MAPRE2: variants seen among roughly 807,000 people sequenced by gnomAD.
The protein encoded by MAPRE2 is microtubule associated protein RP/EB family member 2.
Under a neutral mutation model 43.2 loss-of-function variants are expected in MAPRE2, and 13 were observed. The ratio of observed to expected loss-of-function variants is 0.30; its 90% CI spans 0.20 to 0.48. The LOEUF (loss-of-function observed/expected upper bound fraction) is 0.48, where lower values mean the gene tolerates loss of function less well. MAPRE2 is among the 20% of genes least tolerant of loss of function. MAPRE2 has a pLI of 0.99. For missense variants in MAPRE2, 161 were observed against 400.2 expected (o/e 0.40, Z 5.10); for synonymous variants, 135 against 148.8 (o/e 0.91, Z 0.68).
chr18:35,031,351 C>A (rs1346239178), intron 2 of MAPRE2, among the ~76,000 whole-genome samples: 1 of 152,214 alleles, frequency 6.6e-6, no homozygotes, highest in Admixed American at 6.5e-5. Context: ...CCAGGCCTGA[C>A]TACTTTCTTT....
intron 3 of MAPRE2, among the ~76,000 whole-genome samples, chr18:35,097,797 A>G (rs975958794): frequency 6.6e-6 from 1 of 152,210 alleles, no homozygotes; most frequent in African/African-American, 2.4e-5. Context: ...TGTAGCCAGT[A>G]GACTAAAAAC....
At chr18:35,047,493 G>T (rs896947759) in intron 1 of MAPRE2, among the ~76,000 whole-genome samples, 1 of 151,990 alleles carries the variant, frequency 6.6e-6, no homozygotes, top group Admixed American at 6.6e-5. Context: ...TTTATTATTA[G>T]ATTGAGAGAA....
At chr18:35,008,570 T>C (rs2097032887) in intron 2 of MAPRE2, among the ~76,000 whole-genome samples, 1 of 152,232 alleles carries the variant, frequency 6.6e-6, no homozygotes, top group South Asian at 2.1e-4. Flanking sequence ...AGAACTATTA[T>C]TGGAATTGCA....
At chr18:35,019,038 AAGAATTTTTTT>A (rs1029962157) in intron 2 of MAPRE2, among the ~76,000 whole-genome samples, 1 of 114,904 alleles carries the variant, frequency 8.7e-6, no homozygotes, top group Non-Finnish European at 1.9e-5. Context: ...ATTTATTTCA[AAGAATTTTTTT>A]AGAATTTTTT....
At chr18:34,998,840 A>T (rs975651669) in intron 1 of MAPRE2, among the ~76,000 whole-genome samples, 1 of 148,034 alleles carries the variant, frequency 6.8e-6, no homozygotes, top group Non-Finnish European at 1.5e-5. Flanking sequence ...AAATGTTAAA[A>T]TATAATTTGA....
At chr18:35,014,093 C>A (rs1196582129) in intron 2 of MAPRE2, among the ~76,000 whole-genome samples, 2 of 152,058 alleles carry the variant, frequency 1.3e-5, no homozygotes, top group Admixed American at 1.3e-4. Context: ...AAGCAAGAAT[C>A]CGAATAAGAT....
chr18:35,050,149 GT>G (rs958913131), intron 1 of MAPRE2, among the ~76,000 whole-genome samples: 22 of 148,824 alleles, frequency 1.5e-4, no homozygotes, highest in South Asian at 4.3e-4. Flanking sequence ...ACCTTTTTAT[GT>G]TTTTTTTTTC....
At chr18:35,000,735 A>G (rs2097028878) in intron 1 of MAPRE2, among the ~76,000 whole-genome samples, 1 of 152,216 alleles carries the variant, frequency 6.6e-6, no homozygotes, top group African/African-American at 2.4e-5. Flanking sequence ...CAGCTGGCTT[A>G]TGGCTGCTCA....
chr18:35,039,232 C>A (rs115527282), upstream of MAPRE2, among the ~76,000 whole-genome samples: 1,770 of 152,266 alleles, frequency 0.012, 30 homozygotes, highest in African/African-American at 0.041. Flanking sequence ...TTCAGACTGT[C>A]CCCCCAAAAA....
At chr18:35,104,680 C>A (rs911555396) in intron 4 of MAPRE2, among the ~76,000 whole-genome samples, 1 of 152,038 alleles carries the variant, frequency 6.6e-6, no homozygotes, top group Non-Finnish European at 1.5e-5. Flanking sequence ...AAAATTAAGC[C>A]ACAAAGAGTT....
At chr18:35,026,427 G>A (rs1477870222) in intron 2 of MAPRE2, among the ~76,000 whole-genome samples, 2 of 152,242 alleles carry the variant, frequency 1.3e-5, no homozygotes, top group South Asian at 2.1e-4. Context: ...GCAAGTGAGA[G>A]AATGCAGCGA....
chr18:34,997,902 A>T (rs2150577359), intron 1 of MAPRE2, among the ~76,000 whole-genome samples: 1 of 152,366 alleles, frequency 6.6e-6, no homozygotes, highest in South Asian at 2.1e-4. Flanking sequence ...ACTAAGAGCT[A>T]TAAACAAGTA....
At chr18:35,139,021 T>TAACCTCAGC (rs1207970363) in intron 6 of MAPRE2, among the ~76,000 whole-genome samples, 2 of 151,846 alleles carry the variant, frequency 1.3e-5, no homozygotes, top group Non-Finnish European at 2.9e-5. Context: ...CTGACCTCAG[T>TAACCTCAGC]AACCTCAGCA....
intron 2 of MAPRE2, among the ~76,000 whole-genome samples, chr18:35,034,156 A>C (rs2097049273): frequency 6.6e-6 from 1 of 151,984 alleles, no homozygotes; most frequent in African/African-American, 2.4e-5. Flanking sequence ...TACTGGTACC[A>C]AAACAGAGAT....
At position 35,041,670 on chromosome 18, in the gene MAPRE2, G is replaced by A; in HGVS notation, c.122+9G>A. ...GGGGAGCGTTCCTACAGGTAATGGG[G>A]CTGGCACGAGAGCAGCGCCGGGGAC... On this transcript the variant is annotated intron_variant, in intron 1 of 6. Transcript: ENST00000300249. 6.2e-7 allele frequency: 1 copy of A among 1,614,178 alleles called. No homozygotes were observed.
intron 6 of MAPRE2, among the ~76,000 whole-genome samples, chr18:35,138,022 C>G (rs989594902): frequency 6.6e-6 from 1 of 152,112 alleles, no homozygotes; most frequent in Non-Finnish European, 1.5e-5. Context: ...TCTTGTCCTG[C>G]GCTGGCCCAA....
intron 1 of MAPRE2, among the ~76,000 whole-genome samples, chr18:35,058,095 T>C (rs1256103193): frequency 6.6e-6 from 1 of 152,200 alleles, no homozygotes; most frequent in Non-Finnish European, 1.5e-5. Context: ...AATGTTGTGC[T>C]ATTTCCCAGT....
At position 34,981,877 on chromosome 18, in the gene MAPRE2, A is replaced by T. The variant is rs200734799; in HGVS notation, c.-70+4798A>T. 3.4e-3 allele frequency among the ~76,000 whole-genome samples: 123 copies of T among 35,854 alleles called. 2 individuals carry two copies. The highest frequency in any genetic ancestry group is 6.5e-3 in the African/African-American group (98 of 15,114). 23.5% of individuals were successfully genotyped at this position (35,854 alleles called of 152,430 possible). ...GCGACTTTATTTATTTTTTTTTTTT[A>T]TTTTTATTTATTTTTTTTTTTTTTT... On this transcript the variant is annotated intron_variant, in intron 1 of 7. Transcript: ENST00000413393.
intron 2 of MAPRE2, among the ~76,000 whole-genome samples, chr18:35,018,470 C>CTT (rs34138902): frequency 1.6e-4 from 24 of 147,316 alleles, no homozygotes; most frequent in South Asian, 2.1e-4. Flanking sequence ...TTGTTTTGGT[C>CTT]TTTTTTTTTT....
Sources: allele counts gnomAD v4.1 joint callset (sites outside exome capture counted in the v4.1 genomes callset), GRCh38; gene constraint gnomAD v4.1.1; transcripts MANE v1.5; gene names NCBI Gene and HGNC (gene_info 2026-07-23, HGNC 2026-07-21).